The following PHTF2 variants were observed in gnomAD, a reference collection of about 807,000 sequenced individuals.
PHTF2 encodes the protein protein PHTF2.
PHTF2 carries 60 observed loss-of-function variants against 101.2 expected under a neutral mutation model. That is an observed-to-expected ratio of 0.59 (90% confidence interval 0.48 to 0.73). The LOEUF (loss-of-function observed/expected upper bound fraction) is 0.73. Ranked by LOEUF, PHTF2 falls within the 30% of genes least tolerant of loss-of-function variation. PHTF2 has a pLI of 0.00. For missense variants in PHTF2, 747 were observed against 908.7 expected, an observed-to-expected ratio of 0.82 and a Z score of 2.29; for synonymous variants, 311 against 307.3, an observed-to-expected ratio of 1.01 and a Z score of -0.13.
At position 77,801,151 on chromosome 7, in the gene PHTF2, GGA is replaced by G. The variant is rs146806160; in HGVS notation, c.-36+2183_-36+2184del. Among the ~76,000 whole-genome samples, 123 of 152,286 alleles carry G rather than the reference GGA, an allele frequency of 8.1e-4. 1 individual carries two copies. The highest frequency in any genetic ancestry group is 1.5e-3 in the Non-Finnish European group (104 of 68,020). On this transcript the variant is annotated intron_variant, in intron 1 of 19. Coordinates refer to ENST00000416283, the Ensembl canonical transcript of PHTF2. The stretch of plus-strand genomic sequence containing the variant: ...GTGTTTGAGGAGCATTCATTTGATG[GGA>G]GAAATAGATATTTGAACAAATGACG...
chr7:77,947,389 C>T (rs1256990804), intron 16 of PHTF2, among the ~76,000 whole-genome samples: 2 of 151,980 alleles, frequency 1.3e-5, no homozygotes, highest in Admixed American at 6.6e-5. Context: ...TGGCAAAACC[C>T]TATCTCTACT....
intron 1 of PHTF2, among the ~76,000 whole-genome samples, chr7:77,814,277 CACA>C (rs1435500675): frequency 8.5e-5 from 13 of 152,290 alleles, no homozygotes; most frequent in East Asian, 5.8e-4. Context: ...AGCCACTGGT[CACA>C]ACATTTTTGT....
At chr7:77,948,264 T>TA (rs1806254246) in intron 16 of PHTF2, among the ~76,000 whole-genome samples, 1 of 152,080 alleles carries the variant, frequency 6.6e-6, no homozygotes, top group Non-Finnish European at 1.5e-5. Context: ...TGGGATGAAA[T>TA]AGAGTTGTAA....
chr7:77,916,875 C>T lies in PHTF2; in HGVS notation c.777-3404C>T, dbSNP rs554380200. Among the ~76,000 whole-genome samples the T allele has an allele frequency of 1.1e-4, 16 of 152,234 alleles. 1 individual carries two copies. The South Asian group carries it at 3.3e-3, about 32-fold the overall frequency. On this transcript the variant is annotated intron_variant, in intron 9 of 19. Coordinates refer to ENST00000416283, the Ensembl canonical transcript of PHTF2. Reference sequence around the variant, plus strand: ...CAGTACAGGTGCAAGCATAGTAAGCCTAACTGCATTTTCAATTTGAGGTTG... The same window carrying T: ...CAGTACAGGTGCAAGCATAGTAAGCTTAACTGCATTTTCAATTTGAGGTTG...
chr7:77,855,844 C>G (rs1311055813), intron 3 of PHTF2, among the ~76,000 whole-genome samples: 1 of 152,202 alleles, frequency 6.6e-6, no homozygotes, highest in Non-Finnish European at 1.5e-5. Context: ...CACCACGTGG[C>G]TGCTGCTGGG....
At chr7:77,951,776 T>C (rs909601688) in intron 18 of PHTF2, 64 bp downstream of exon 17, 1 of 719,352 alleles carries the variant, frequency 1.4e-6, no homozygotes, top group Admixed American at 3.5e-5. Flanking sequence ...TTTTATTTTT[T>C]TGTTTATAGA....
At chr7:77,872,285 G>T (rs752391293) in intron 3 of PHTF2, among the ~76,000 whole-genome samples, 12 of 152,188 alleles carry the variant, frequency 7.9e-5, no homozygotes, top group Non-Finnish European at 1.6e-4. Context: ...TTAAAATCCT[G>T]CTCTGCTGAG....
intron 19 of PHTF2, among the ~76,000 whole-genome samples, chr7:77,954,610 G>GTATATATATATATA (rs1295236333): frequency 6.1e-5 from 5 of 82,526 alleles, no homozygotes; most frequent in Non-Finnish European, 8.9e-5. Flanking sequence ...AACAAGTACT[G>GTATATATATATATA]TGTATATATA....
At chr7:77,957,145 G>C (rs533257126) in exon 20 of PHTF2, 23 of 152,184 alleles carry the variant, frequency 1.5e-4, no homozygotes, top group Admixed American at 7.8e-4. Flanking sequence ...CAGATGTTGT[G>C]TGTGAACTGT....
At chr7:77,953,414 A>T (rs1806723517) in intron 18 of PHTF2, among the ~76,000 whole-genome samples, 1 of 152,154 alleles carries the variant, frequency 6.6e-6, no homozygotes, top group Admixed American at 6.5e-5. Flanking sequence ...CTTGTCAGAA[A>T]ATTTGGCCAA....
At chr7:77,867,589 A>C (rs570077686) in intron 3 of PHTF2, among the ~76,000 whole-genome samples, 1 of 152,334 alleles carries the variant, frequency 6.6e-6, no homozygotes, top group East Asian at 1.9e-4. Context: ...TAACTGCCTC[A>C]ACTGGCATTT....
intron 3 of PHTF2, among the ~76,000 whole-genome samples, chr7:77,872,626 G>A (rs999044252): frequency 6.6e-6 from 1 of 152,152 alleles, no homozygotes; most frequent in Non-Finnish European, 1.5e-5. Flanking sequence ...TTGTAGTTGA[G>A]TGACTGCACT....
Position 77,903,224 on chromosome 7 carries a change from G to T in PHTF2, c.445+1304G>T, listed in dbSNP as rs542967632. Among the ~76,000 whole-genome samples, 65 of 152,152 alleles carry T rather than the reference G, an allele frequency of 4.3e-4. 2 individuals carry two copies. Among genetic ancestry groups the T allele is most frequent in the Non-Finnish European group, 5.0e-4 (34 of 67,998 alleles). ...TTGCTATTATAATTACTGCTGAAGTGATCATATTTGCTTATCAGTATTTTC... is the reference window on the plus strand; with the variant it reads ...TTGCTATTATAATTACTGCTGAAGTTATCATATTTGCTTATCAGTATTTTC... On this transcript the variant is annotated intron_variant, in intron 7 of 19. Coordinates refer to ENST00000416283, the Ensembl canonical transcript of PHTF2.
intron 1 of PHTF2, among the ~76,000 whole-genome samples, chr7:77,809,221 G>GTTCTTTTTT (rs1793222525): frequency 9.3e-6 from 1 of 107,340 alleles, no homozygotes; most frequent in African/African-American, 4.9e-5. Context: ...AACCCAGTTC[G>GTTCTTTTTT]TTGTTTTTTT....
chr7:77,842,404 A>G (rs1257625041), intron 2 of PHTF2, among the ~76,000 whole-genome samples: 1 of 152,086 alleles, frequency 6.6e-6, no homozygotes, highest in African/African-American at 2.4e-5. Context: ...GGGTTTTGCC[A>G]TGTTGCCCAG....
rs1229937719 is a variant in PHTF2, at chr7:77,871,848, T to C, written c.147+17014T>C. On this transcript the variant is annotated intron_variant, in intron 3 of 19. Transcript: ENST00000416283. ...AAGTGAGTGCCTTGGTCAAAGGCAA[T>C]GCTGTGTGGAATACCATGATGTTGG... Among the ~76,000 whole-genome samples the C allele has an allele frequency of 4.6e-5, 7 of 152,250 alleles. No individual in the cohort carries two copies. The East Asian group carries it at 1.4e-3, about 29-fold the overall frequency.
At chr7:77,917,227 C>G (rs1424026087) in intron 9 of PHTF2, among the ~76,000 whole-genome samples, 1 of 152,186 alleles carries the variant, frequency 6.6e-6, no homozygotes, top group Non-Finnish European at 1.5e-5. Flanking sequence ...TCCGACATAT[C>G]TGTATCAGTC....
At chr7:77,850,360 C>CAAAAAAAAAAAAAAAAAAA (rs71082789) in intron 2 of PHTF2, among the ~76,000 whole-genome samples, 5 of 44,390 alleles carry the variant, frequency 1.1e-4, no homozygotes, top group African/African-American at 2.6e-4. Context: ...GACCTTGTCT[C>CAAAAAAAAAAAAAAAAAAA]AAAAAAAAAA....
intron 3 of PHTF2, among the ~76,000 whole-genome samples, chr7:77,858,110 A>G (rs1466634424): frequency 6.6e-6 from 1 of 152,178 alleles, no homozygotes; most frequent in Non-Finnish European, 1.5e-5. Context: ...GTCACTGATC[A>G]TGTTTTCCAT....
Sources: allele counts gnomAD v4.1 joint callset (sites outside exome capture counted in the v4.1 genomes callset), GRCh38; gene constraint gnomAD v4.1.1; transcripts MANE v1.5; gene names NCBI Gene and HGNC (gene_info 2026-07-23, HGNC 2026-07-21).